The following MXI1 variants were observed in gnomAD, a reference collection of about 807,000 sequenced individuals.
MXI1 encodes MAX interactor 1, dimerization protein.
A neutral mutation model predicts 36.9 loss-of-function variants in MXI1; 18 were observed. The ratio of observed to expected loss-of-function variants is 0.49; its 90% confidence interval spans 0.34 to 0.72. The LOEUF is 0.72. Ranked by LOEUF, MXI1 falls within the 30% of genes least tolerant of loss-of-function variation. The pLI is 0.01. For synonymous variants in MXI1, 160 were observed against 146.7 expected (o/e 1.09, Z -0.65); for missense variants, 304 against 379.1 (o/e 0.80, Z 1.64).
intron 1 of MXI1, chr10:110,226,285 TA>T: frequency 6.7e-7 from 1 of 1,492,498 alleles, no homozygotes. Context: ...GGGAGCGAGG[TA>T]ATGGCTGGGC....
At chr10:110,226,102 C>G (rs894910005) in intron 1 of MXI1, 17 of 1,162,652 alleles carry the variant, frequency 1.5e-5, no homozygotes, top group Non-Finnish European at 1.7e-5. Context: ...CTGGCCCGCC[C>G]GCCCGTCGCA....
intron 1 of MXI1, among the ~76,000 whole-genome samples, chr10:110,218,809 C>T (rs1854723252): frequency 6.6e-6 from 1 of 152,174 alleles, no homozygotes; most frequent in Admixed American, 6.5e-5. Flanking sequence ...TGTAGGGCAA[C>T]TGGGCTGGCC....
At chr10:110,225,920 G>GGGGGCAGAGGCA (rs1250707464) in intron 1 of MXI1, 1 of 777,428 alleles carries the variant, frequency 1.3e-6, no homozygotes, top group Non-Finnish European at 1.6e-6. Flanking sequence ...ACATTTCCCA[G>GGGGGCAGAGGCA]GGGGCAGAGG....
chr10:110,221,124 G>C (rs1387166807), intron 1 of MXI1, among the ~76,000 whole-genome samples: 1 of 152,166 alleles, frequency 6.6e-6, no homozygotes, highest in East Asian at 1.9e-4. Flanking sequence ...CTTTCCTTGG[G>C]GAAGAATGAA....
intron 1 of MXI1, among the ~76,000 whole-genome samples, chr10:110,217,940 T>C (rs924165230): frequency 6.6e-6 from 1 of 152,190 alleles, no homozygotes; most frequent in Non-Finnish European, 1.5e-5. Flanking sequence ...ACGTGCTTTA[T>C]ATTAAATTCT....
At chr10:110,221,250 A>C (rs1458043738) in intron 1 of MXI1, among the ~76,000 whole-genome samples, 1 of 152,252 alleles carries the variant, frequency 6.6e-6, no homozygotes, top group Non-Finnish European at 1.5e-5. Context: ...TTATTCCATC[A>C]GTTTGATAGA....
At position 110,226,349 on chromosome 10, in the gene MXI1, C is replaced by T. The variant is rs938986078; in HGVS notation, c.275-1840C>T. 10 of 1,359,118 alleles carry T rather than the reference C, an allele frequency of 7.4e-6. No individual in the cohort carries two copies. In the East Asian group the frequency reaches 2.3e-4, roughly 31 times the overall value. The allele number at this position is 1,359,118 out of a possible 1,614,324, so 84.2% of individuals were successfully genotyped here. On this transcript the variant is annotated intron_variant, in intron 1 of 5. Transcript: ENST00000332674. ...ATCTTTTTCGGCAGTGCGGTGCGGC[C>T]GGTAAGGGAGGGCACGCGTGTGAGG...
chr10:110,272,159 C>G (rs75605876), intron 3 of MXI1, among the ~76,000 whole-genome samples: 305 of 152,288 alleles, frequency 2.0e-3, no homozygotes, highest in African/African-American at 7.3e-3. Flanking sequence ...ATCTGAAATG[C>G]TCCAAAATCT....
Position 110,286,911 on chromosome 10 carries a change from G to A in MXI1, c.*1924G>A, listed in dbSNP as rs1207009593. On this transcript the variant is annotated 3_prime_UTR_variant, in exon 6 of 6. Transcript: ENST00000332674. Reference sequence around the variant, plus strand: ...GTGCTAGGGACTTAATGAAAAACAGGACAAAACAATTCCTTTTTGTGGCCC... The same window carrying A: ...GTGCTAGGGACTTAATGAAAAACAGAACAAAACAATTCCTTTTTGTGGCCC... 6.6e-6 allele frequency: 1 copy of A among 152,154 alleles called. No individual in the cohort carries two copies. The highest frequency in any genetic ancestry group is 1.5e-5 in the Non-Finnish European group (1 of 68,026). 9.4% of individuals were successfully genotyped at this position (152,154 alleles called of 1,614,324 possible). A position where few individuals can be genotyped will look rare whatever the true frequency, so the allele number is the denominator to read the frequency against.
chr10:110,235,424 A>G (rs1249115271), intron 2 of MXI1, among the ~76,000 whole-genome samples: 1 of 152,104 alleles, frequency 6.6e-6, no homozygotes, highest in Admixed American at 6.5e-5. Flanking sequence ...ACAGTGGCTT[A>G]CACCTGTAAT....
At chr10:110,230,238 T>A (rs1399248028) in intron 2 of MXI1, among the ~76,000 whole-genome samples, 4 of 152,260 alleles carry the variant, frequency 2.6e-5, no homozygotes, top group African/African-American at 9.6e-5. Flanking sequence ...CTTAGTCATC[T>A]GTTGACTTAC....
At chr10:110,269,140 A>G (rs901735831) in intron 3 of MXI1, among the ~76,000 whole-genome samples, 6 of 152,232 alleles carry the variant, frequency 3.9e-5, no homozygotes, top group Admixed American at 6.5e-5. Flanking sequence ...ATGCCAAACC[A>G]TTTGCCATCT....
chr10:110,233,680 A>G (rs1396616951), intron 2 of MXI1, among the ~76,000 whole-genome samples: 5 of 152,174 alleles, frequency 3.3e-5, no homozygotes, highest in Admixed American at 2.0e-4. Context: ...TGATTAACAC[A>G]TCCAGTGAAA....
intron 5 of MXI1, among the ~76,000 whole-genome samples, chr10:110,281,650 T>G (rs1857255315): frequency 6.6e-6 from 1 of 152,202 alleles, no homozygotes; most frequent in African/African-American, 2.4e-5. Context: ...ATGTACATAT[T>G]TTTTTAAACA....
chr10:110,259,871 C>G (rs1391273016), intron 3 of MXI1, among the ~76,000 whole-genome samples: 1 of 152,056 alleles, frequency 6.6e-6, no homozygotes, highest in Non-Finnish European at 1.5e-5. Context: ...ATTTCCTAAT[C>G]TGATTACTAG....
chr10:110,259,616 T>TA (rs1856436759), intron 3 of MXI1, among the ~76,000 whole-genome samples: 1 of 152,088 alleles, frequency 6.6e-6, no homozygotes. Flanking sequence ...GGAAAATCAG[T>TA]AAAAAATGTC....
chr10:110,279,784 AATGTATTT>A, intron 4 of MXI1, 122 bp from the exon 5 acceptor site: 1 of 571,380 alleles, frequency 1.8e-6, no homozygotes, highest in Non-Finnish European at 2.8e-6. Context: ...GAGGCTTTAA[AATGTATTT>A]ATATATTTTT....
intron 3 of MXI1, among the ~76,000 whole-genome samples, chr10:110,261,332 G>A (rs984815617): frequency 3.3e-5 from 5 of 151,900 alleles, no homozygotes; most frequent in African/African-American, 1.2e-4. Context: ...GGGTCCACTA[G>A]ATAGTTATGC....
At chr10:110,246,825 T>A (rs374126580) in intron 3 of MXI1, among the ~76,000 whole-genome samples, 23 of 152,286 alleles carry the variant, frequency 1.5e-4, no homozygotes, top group Admixed American at 3.3e-4. Context: ...TATTTCTGAT[T>A]TATTAAAGAT....
Sources: allele counts gnomAD v4.1 joint callset (sites outside exome capture counted in the v4.1 genomes callset), GRCh38; gene constraint gnomAD v4.1.1; transcripts MANE v1.5; gene names NCBI Gene and HGNC (gene_info 2026-07-23, HGNC 2026-07-21).